The following HOXB3 variants were observed in gnomAD, a reference collection of about 807,000 sequenced individuals.
The protein encoded by HOXB3 is homeobox B3, also known as homeobox protein Hox-B3.
HOXB3 carries 17 observed loss-of-function variants against 29.2 expected under a neutral mutation model. The observed-to-expected ratio is 0.58, with a 90% confidence interval of 0.40 to 0.87. The LOEUF (loss-of-function observed/expected upper bound fraction) is 0.87, where lower values mean the gene tolerates loss of function less well. HOXB3 is among the 40% of genes least tolerant of loss of function. The pLI is 0.00. For missense variants in HOXB3, 637 were observed against 616.3 expected (o/e 1.03, Z -0.35); for synonymous variants, 317 against 285.9 (o/e 1.11, Z -1.10).
In HOXB3 at chr17:48,550,538, G is replaced by A; in HGVS notation, c.1092C>T (p.Pro364=). ...GGCCATAGAGGGAGGGGCCGGCAGG[G>A]GGCGGCAGCGGATCCGCGTAGCCGC... The part of the protein sequence containing the change: ...GGGGYADPLP[P]PAGPSLYGLN... Residue 364 remains proline (P), a synonymous_variant, in exon 5 of 5, where the codon CCC becomes CCT. Transcript: ENST00000498678. The A allele has an allele frequency of 6.5e-7, 1 of 1,538,884 alleles. No homozygotes were observed. The highest frequency in any genetic ancestry group is 1.3e-5 in the South Asian group (1 of 78,648).
Position 48,550,768 on chromosome 17 carries a change from T to A in HOXB3, c.862A>T (p.Ser288Cys), listed in dbSNP as rs769841406. ...TTACCGAAGGCGGGTGGGGACGGGC[T>A]CTCGTAGCTGGGGGTCATGGAGTGT... is the stretch of plus-strand genomic sequence containing the variant. ...ALHSMTPSYE[S>C]PSPPAFGKAH... The change falls in exon 5 of 5, where the codon AGC becomes TGC. Residue 288 changes from serine (S) to cysteine (C), a missense_variant. Physicochemically the swap from Ser to Cys is moderately radical, Grantham distance 112. Coordinates refer to ENST00000498678, the MANE Select transcript of HOXB3 (RefSeq NM_001384749.1). The A allele has an allele frequency of 1.9e-5, 30 of 1,602,012 alleles. No homozygotes were observed. Among genetic ancestry groups the A allele is most frequent in the Non-Finnish European group, 2.5e-5 (29 of 1,171,750 alleles).
chr17:48,562,139 C>T (rs2069219053), intron 2 of HOXB3, among the ~76,000 whole-genome samples: 1 of 152,080 alleles, frequency 6.6e-6, no homozygotes, highest in Admixed American at 6.5e-5. Context: ...ACCCTCATTA[C>T]CAAACCAAAA....
Position 48,558,568 on chromosome 17 carries a change from C to T in HOXB3, c.-246-2950G>A, listed in dbSNP as rs35908393. Among the ~76,000 whole-genome samples the T allele has an allele frequency of 8.2e-3, 1,253 of 152,202 alleles. 7 individuals are homozygous for T. The highest frequency in any genetic ancestry group is 0.013 in the Non-Finnish European group (860 of 68,006). On this transcript the variant is annotated intron_variant, in intron 2 of 4. Coordinates refer to ENST00000498678, the MANE Select transcript of HOXB3 (RefSeq NM_001384749.1). ...TTCTTCCATTCTCAGAGGTCTCTGG[C>T]GAGCAGGCGGGCTGCCCTCTGATTA...
chr17:48,576,886 C>A, intron 1 of HOXB3: 1 of 1,614,232 alleles, frequency 6.2e-7, no homozygotes, highest in Non-Finnish European at 8.5e-7. Context: ...AGGCAGAGCG[C>A]GTGGGCGATC....
rs754009841 is a variant in HOXB3 at position 48,551,051 on chromosome 17, C to G, written c.579G>C (p.Thr193=). ...CCACCAGCTGCGCGCTCGTGTACGC[C>G]GTCCGCGCCCGCTTGGACGCCGCCG... ...PGSAASKRAR[T]AYTSAQLVEL... The change falls in exon 5 of 5, where the codon ACG becomes ACC. Residue 193 remains threonine (T), a synonymous_variant. Transcript: ENST00000498678. 6.9e-6 allele frequency: 11 copies of G among 1,591,172 alleles called. No homozygotes were observed. The highest frequency in any genetic ancestry group is 2.7e-5 in the African/African-American group (2 of 73,734).
At position 48,552,341 on chromosome 17, in the gene HOXB3, C is replaced by T. The variant is rs1191269862; in HGVS notation, c.134G>A (p.Gly45Asp). The change falls in exon 4 of 5, where the codon GGC becomes GAC. Residue 45 changes from glycine to aspartate, a missense_variant. Physicochemically the swap from Gly to Asp is moderately conservative, Grantham distance 94. Coordinates refer to ENST00000498678, the MANE Select transcript of HOXB3 (RefSeq NM_001384749.1). The stretch of plus-strand genomic sequence containing the variant: ...CGAGCAAGCTGAGCGCTGGTAGTCG[C>T]CCTCCAGGTGCGTGGCGGCCTGAAA... ...PPFQAATHLE[G>D]DYQRSACSLQ... The T allele has an allele frequency of 6.2e-7, 1 of 1,614,038 alleles. No homozygotes were observed. The highest frequency in any genetic ancestry group is 8.5e-7 in the Non-Finnish European group (1 of 1,179,974).
In HOXB3 at chr17:48,549,058, G is replaced by C. The variant is rs1422512431; in HGVS notation, c.*1276C>G. ...CTTTTAGAACTAATTACAATTGTTCGTAAGTACGAGTTTAACATAAATCTA... is the reference window on the plus strand; with the variant it reads ...CTTTTAGAACTAATTACAATTGTTCCTAAGTACGAGTTTAACATAAATCTA... On this transcript the variant is annotated 3_prime_UTR_variant, in exon 5 of 5. Coordinates refer to ENST00000498678, the MANE Select transcript of HOXB3 (RefSeq NM_001384749.1). 1 of 152,658 alleles carries C rather than the reference G, an allele frequency of 6.6e-6. No homozygotes were observed. The highest frequency in any genetic ancestry group is 1.5e-5 in the Non-Finnish European group (1 of 68,048). The allele number at this position is 152,658 out of a possible 1,614,324, so 9.5% of individuals were successfully genotyped here.
At chr17:48,552,764 T>A in intron 3 of HOXB3, 132 bp from the exon 4 acceptor site, 1 of 373,148 alleles carries the variant, frequency 2.7e-6, no homozygotes, top group Non-Finnish European at 4.8e-6. Flanking sequence ...AAGCAGATGC[T>A]GAGAAAAAAA....
chr17:48,571,770 CCT>C (rs2069593625), intron 2 of HOXB3, among the ~76,000 whole-genome samples: 1 of 152,224 alleles, frequency 6.6e-6, no homozygotes, highest in South Asian at 2.1e-4. Flanking sequence ...TTGTGCTCAT[CCT>C]CTGTCTTTCC....
At chr17:48,574,977 C>T (rs1399202247) in intron 1 of HOXB3, 3 of 152,178 alleles carry the variant, frequency 2.0e-5, no homozygotes, top group Non-Finnish European at 4.4e-5. Context: ...CCTGCAAACA[C>T]CCAGAAACAT....
At chr17:48,576,509 T>C (rs1026631168) in intron 1 of HOXB3, 2 of 399,136 alleles carry the variant, frequency 5.0e-6, no homozygotes, top group African/African-American at 4.1e-5. Context: ...ATCTTGCTTC[T>C]GGGGGGGCCT....
intron 2 of HOXB3, among the ~76,000 whole-genome samples, chr17:48,555,987 A>ACACT (rs892639546): frequency 6.6e-6 from 1 of 151,524 alleles, no homozygotes; most frequent in South Asian, 2.1e-4. Flanking sequence ...ACACACACAC[A>ACACT]CACTCACTCA....
chr17:48,551,723 C>T (rs1486292212), intron 4 of HOXB3, among the ~76,000 whole-genome samples: 2 of 152,244 alleles, frequency 1.3e-5, no homozygotes, highest in Non-Finnish European at 2.9e-5. Context: ...AATAATCAAT[C>T]GTTGACGACT....
chr17:48,577,731 C>T, intron 1 of HOXB3: 1 of 798,482 alleles, frequency 1.3e-6, no homozygotes. Flanking sequence ...GACCGTAAAT[C>T]TCCGGCAATG....
At chr17:48,588,711 T>A (rs763174339) in intron 1 of HOXB3, among the ~76,000 whole-genome samples, 18 of 152,198 alleles carry the variant, frequency 1.2e-4, no homozygotes, top group Non-Finnish European at 2.5e-4. Flanking sequence ...CCCTCATCAT[T>A]CTTGGGATGA....
At chr17:48,585,992 C>T (rs1597860417) in intron 1 of HOXB3, among the ~76,000 whole-genome samples, 1 of 152,174 alleles carries the variant, frequency 6.6e-6, no homozygotes. Context: ...CACCGGGCTC[C>T]GAGGTCAGGG....
At position 48,572,338 on chromosome 17, in the gene HOXB3, C is replaced by T. The variant is rs571513143; in HGVS notation, c.-247+1499G>A. Among the ~76,000 whole-genome samples, 30 of 152,268 alleles carry T rather than the reference C, an allele frequency of 2.0e-4. No individual in the cohort carries two copies. The South Asian group carries it at 5.0e-3, about 25-fold the overall frequency. ...GTAGTTATAGAAATAGCTTCCTCAACAAATGAACTTCAGAAAATGGGTTGA... is the reference window on the plus strand; with the variant it reads ...GTAGTTATAGAAATAGCTTCCTCAATAAATGAACTTCAGAAAATGGGTTGA... On this transcript the variant is annotated intron_variant, in intron 2 of 4. Transcript: ENST00000498678.
chr17:48,556,754 G>C (rs1446351825), intron 2 of HOXB3: 4 of 152,150 alleles, frequency 2.6e-5, no homozygotes, highest in Non-Finnish European at 4.4e-5. Context: ...TCATGGATAA[G>C]TTTCTGTTAT....
intron 2 of HOXB3, among the ~76,000 whole-genome samples, chr17:48,568,778 G>A (rs1268845782): frequency 6.6e-6 from 1 of 151,986 alleles, no homozygotes; most frequent in African/African-American, 2.4e-5. Context: ...GAGAGAGAGA[G>A]AAAAGAAGAA....
Sources: gnomAD v4.1 joint callset for allele counts (sites outside exome capture counted in the v4.1 genomes callset) on GRCh38, gnomAD v4.1.1 for gene constraint, MANE v1.5 for transcripts, NCBI Gene and HGNC (gene_info 2026-07-23, HGNC 2026-07-21) for gene names.